The following HSDL1 variants were observed in gnomAD, a reference collection of about 807,000 sequenced individuals.
The protein encoded by HSDL1 is inactive hydroxysteroid dehydrogenase-like protein 1.
A neutral mutation model predicts 31.5 loss-of-function variants in HSDL1; 29 were observed. The observed-to-expected ratio is 0.92, with a 90% CI of 0.69 to 1.26. The LOEUF is 1.26. Among genes scored for constraint, HSDL1 ranks in the 50% most tolerant of loss-of-function variants. The pLI, the probability that HSDL1 is intolerant of heterozygous loss-of-function variation, is 0.00. For synonymous variants in HSDL1, 222 were observed against 155.2 expected, an observed-to-expected ratio of 1.43 and a Z score of -3.20; for missense variants, 503 against 416.6, an observed-to-expected ratio of 1.21 and a Z score of -1.81.
At chr16:84,134,969 C>T (rs376441838) in intron 2 of HSDL1, among the ~76,000 whole-genome samples, 2 of 152,142 alleles carry the variant, frequency 1.3e-5, no homozygotes, top group African/African-American at 4.8e-5. Flanking sequence ...CACGGTGGCT[C>T]GCGCCTGTAG....
chr16:84,135,057 C>T (rs113190387), intron 2 of HSDL1, among the ~76,000 whole-genome samples: 8,717 of 152,038 alleles, frequency 0.057, 828 homozygotes, highest in African/African-American at 0.2. Context: ...CAGGGTGAAA[C>T]CCTGTCTCTA....
Position 84,124,643 on chromosome 16 carries a change from G to T in HSDL1, c.980C>A (p.Ser327Tyr), listed in dbSNP as rs4378600. 2.5e-6 allele frequency: 4 copies of T among 1,611,716 alleles called. No individual in the cohort carries two copies. Among genetic ancestry groups the T allele is most frequent in the Non-Finnish European group, 3.4e-6 (4 of 1,177,952 alleles). ...LNRSLRKEAL[S>Y]CTA ...GGCCATCCAGACTCAGGCTGTGCAGGATAAGGCTTCCTTACGTAGTGAACG... is the reference window on the plus strand; with the variant it reads ...GGCCATCCAGACTCAGGCTGTGCAGTATAAGGCTTCCTTACGTAGTGAACG... Residue 327 changes from serine to tyrosine, a missense_variant, in exon 6 of 6, where the codon TCC becomes TAC. Coordinates refer to ENST00000219439, the MANE Select transcript of HSDL1 (RefSeq NM_031463.5).
chr16:84,128,254 A>G (rs1183227049), intron 5 of HSDL1, among the ~76,000 whole-genome samples: 2 of 150,358 alleles, frequency 1.3e-5, no homozygotes, highest in Non-Finnish European at 3.0e-5. Flanking sequence ...GCACCATTAC[A>G]CTCCAGCCTG....
At chr16:84,129,424 A>G (rs1468463621) in intron 5 of HSDL1, 124 bp downstream of exon 5, 5 of 730,508 alleles carry the variant, frequency 6.8e-6, no homozygotes, top group Non-Finnish European at 1.1e-5. Flanking sequence ...CAAAATTATT[A>G]AGTGTCAGGC....
chr16:84,144,015 G>A (rs1567526839), intron 1 of HSDL1, among the ~76,000 whole-genome samples: 1 of 150,490 alleles, frequency 6.6e-6, no homozygotes. Flanking sequence ...GAGATTGTCT[G>A]AATCAATCAA....
chr16:84,138,076 A>G (rs1033317719), intron 1 of HSDL1, among the ~76,000 whole-genome samples: 38 of 152,296 alleles, frequency 2.5e-4, no homozygotes, highest in Non-Finnish European at 4.7e-4. Flanking sequence ...TTGATCTTGG[A>G]CCATTCAGCC....
At chr16:84,140,948 G>A (rs988435174) in intron 1 of HSDL1, among the ~76,000 whole-genome samples, 11 of 152,054 alleles carry the variant, frequency 7.2e-5, no homozygotes, top group Admixed American at 5.2e-4. Flanking sequence ...AAAATTAGCC[G>A]GGCGCAGTGG....
chr16:84,126,035 G>A (rs558214260), intron 5 of HSDL1, among the ~76,000 whole-genome samples: 242 of 151,634 alleles, frequency 1.6e-3, no homozygotes, highest in South Asian at 2.5e-3. Context: ...CCGGGGAGGC[G>A]GAGCTTGCAG....
chr16:84,131,919 G>A (rs544683308), intron 2 of HSDL1, among the ~76,000 whole-genome samples: 2 of 152,326 alleles, frequency 1.3e-5, no homozygotes, highest in Admixed American at 1.3e-4. Flanking sequence ...GACCTCAGGT[G>A]ATCCGCCACC....
At position 84,145,151 on chromosome 16, in the gene HSDL1, G is replaced by A. The variant is rs1259102785; in HGVS notation, c.-140C>T. 1.4e-5 allele frequency: 3 copies of A among 219,052 alleles called. No individual in the cohort carries two copies. Among genetic ancestry groups the A allele is most frequent in the African/African-American group, 2.3e-5 (1 of 43,500 alleles). 13.6% of individuals were successfully genotyped at this position (219,052 alleles called of 1,614,324 possible). On this transcript the variant is annotated 5_prime_UTR_variant, in exon 1 of 6. Transcript: ENST00000219439. ...GGCCGCCGCCCCCGTCTCGGCCGCC[G>A]GAGCTGCTGCCGCGCCGCGCCCTCA... is the stretch of plus-strand genomic sequence containing the variant.
intron 5 of HSDL1, 134 bp from the exon 6 acceptor site, chr16:84,124,862 A>G (rs1263256923): frequency 8.3e-6 from 5 of 599,272 alleles, no homozygotes; most frequent in African/African-American, 1.8e-5. Flanking sequence ...AATACCCACC[A>G]ATCACAACAA....
At chr16:84,138,319 G>C (rs1436853062) in intron 1 of HSDL1, among the ~76,000 whole-genome samples, 1 of 152,124 alleles carries the variant, frequency 6.6e-6, no homozygotes, top group African/African-American at 2.4e-5. Flanking sequence ...CTAGAGGTGG[G>C]GTCATGGGTG....
rs764961432 is a variant in HSDL1 at position 84,122,349 on chromosome 16, A to C, written c.*2281T>G. The C allele has an allele frequency of 2.0e-5, 3 of 151,250 alleles. No homozygotes were observed. Among genetic ancestry groups the C allele is most frequent in the African/African-American group, 7.4e-5 (3 of 40,672 alleles). 9.4% of individuals were successfully genotyped at this position (151,250 alleles called of 1,614,324 possible). A position where few individuals can be genotyped will look rare whatever the true frequency, so the allele number is the denominator to read the frequency against. On this transcript the variant is annotated 3_prime_UTR_variant, in exon 6 of 6. Coordinates refer to ENST00000219439, the MANE Select transcript of HSDL1 (RefSeq NM_031463.5). ...TTCACAGATTAACTTTCAAAGGTTC[A>C]TATTTCCCACGTTCTTTTTTTTTTT...
intron 3 of HSDL1, among the ~76,000 whole-genome samples, 162 bp from the exon 4 acceptor site, chr16:84,130,593 A>T (rs1254469752): frequency 1.3e-5 from 2 of 152,222 alleles, no homozygotes; most frequent in Non-Finnish European, 2.9e-5. Flanking sequence ...TGAATGAGGA[A>T]TGTGAAGGGC....
At chr16:84,131,483 G>GTCTGTCTGTCTGTCTATCTA (rs1232519658) in intron 2 of HSDL1, among the ~76,000 whole-genome samples, 156 bp from the exon 3 acceptor site, 13 of 144,240 alleles carry the variant, frequency 9.0e-5, no homozygotes, top group African/African-American at 3.2e-4. Flanking sequence ...CACAGTTTCA[G>GTCTGTCTGTCTGTCTATCTA]TCTATCTATC....
At position 84,130,412 on chromosome 16, in the gene HSDL1, T is replaced by C; in HGVS notation, c.240A>G (p.Gly80=). The C allele has an allele frequency of 6.2e-7, 1 of 1,609,922 alleles. No individual in the cohort carries two copies. Among genetic ancestry groups the C allele is most frequent in the South Asian group, 1.1e-5 (1 of 90,664 alleles). The change falls in exon 4 of 6, where the codon GGA becomes GGG. Residue 80 remains glycine, a synonymous_variant. Coordinates refer to ENST00000219439, the MANE Select transcript of HSDL1 (RefSeq NM_031463.5). The part of the protein sequence containing the change: ...AVVSGATDGI[G]KAYAEELASR... ...TTGCTAACTCTTCAGCGTAGGCTTTTCCAATCCCATCTGTTGCACCTAGGA... is the reference window on the plus strand; with the variant it reads ...TTGCTAACTCTTCAGCGTAGGCTTTCCCAATCCCATCTGTTGCACCTAGGA...
Position 84,130,269 on chromosome 16 carries a change from C to G in HSDL1, c.383G>C (p.Ser128Thr), listed in dbSNP as rs374464791. 3 of 1,614,112 alleles carry G rather than the reference C, an allele frequency of 1.9e-6. No individual in the cohort carries two copies. Among genetic ancestry groups the G allele is most frequent in the African/African-American group, 1.3e-5 (1 of 74,928 alleles). ...ETDIIVADFS[S>T]GREIYLPIRE... is the part of the protein sequence containing the mutation. ...AATTGGAAGGTAGATCTCACGACCG[C>G]TGCTGAAGTCCGCAACTATAATATC... Residue 128 changes from serine to threonine, a missense_variant, in exon 4 of 6, where the codon AGC becomes ACC. Ser to Thr is a moderately conservative substitution (Grantham distance 58). Transcript: ENST00000219439.
intron 1 of HSDL1, among the ~76,000 whole-genome samples, chr16:84,142,456 G>C (rs2086777403): frequency 1.8e-5 from 1 of 56,464 alleles, no homozygotes; most frequent in African/African-American, 6.2e-5. Flanking sequence ...TTTTTTTTGA[G>C]ACAGAGTCTC....
intron 1 of HSDL1, among the ~76,000 whole-genome samples, chr16:84,138,038 G>A (rs768024943): frequency 1.2e-4 from 18 of 152,348 alleles, no homozygotes; most frequent in African/African-American, 4.1e-4. Context: ...CCTTTGGGAG[G>A]CGATCAGATA....
Sources: gnomAD v4.1 joint callset for allele counts (sites outside exome capture counted in the v4.1 genomes callset) on GRCh38, gnomAD v4.1.1 for gene constraint, MANE v1.5 for transcripts, NCBI Gene and HGNC (gene_info 2026-07-23, HGNC 2026-07-21) for gene names.